The following OCA2 variants were observed in gnomAD, a reference collection of about 807,000 sequenced individuals.
OCA2 encodes the protein P protein.
Under a neutral mutation model 100.2 loss-of-function variants are expected in OCA2, and 77 were observed. That is an observed-to-expected ratio of 0.77 (90% CI 0.64 to 0.93). The LOEUF (loss-of-function observed/expected upper bound fraction) is 0.93, where lower values mean the gene tolerates loss of function less well. Ranked by LOEUF, OCA2 falls within the 40% of genes least tolerant of loss-of-function variation. OCA2 has a pLI of 0.00. For synonymous variants in OCA2, 432 were observed against 439.2 expected (o/e 0.98, Z 0.21); for missense variants, 1,062 against 1,089.1 (o/e 0.98, Z 0.35).
At chr15:27,786,689 A>G (rs1365283042) in intron 23 of OCA2, among the ~76,000 whole-genome samples, 1 of 152,042 alleles carries the variant, frequency 6.6e-6, no homozygotes, top group Non-Finnish European at 1.5e-5. Context: ...TTTCTACAGA[A>G]TTTTTCATGG....
At chr15:27,861,475 G>A (rs764380190) in intron 21 of OCA2, among the ~76,000 whole-genome samples, 16 of 152,110 alleles carry the variant, frequency 1.1e-4, no homozygotes, top group Non-Finnish European at 1.8e-4. Context: ...TCTAGAGAGT[G>A]GAGGTCAGAG....
At chr15:27,776,974 T>TGGGGGGGGGGGGGGGGGGGG (rs368182175) in intron 23 of OCA2, among the ~76,000 whole-genome samples, 3 of 43,164 alleles carry the variant, frequency 7.0e-5, no homozygotes, top group Non-Finnish European at 1.4e-4. Context: ...GAGCGTGAGG[T>TGGGGGGGGGGGGGGGGGGGG]GGGGGGGGGT....
At chr15:27,902,737 T>C (rs1481556155) in intron 19 of OCA2, among the ~76,000 whole-genome samples, 1 of 152,174 alleles carries the variant, frequency 6.6e-6, no homozygotes, top group East Asian at 1.9e-4. Context: ...GAACTCTTCC[T>C]CTGCAGGCTG....
chr15:27,810,676 A>G (rs1049567240), intron 23 of OCA2, among the ~76,000 whole-genome samples: 2 of 152,106 alleles, frequency 1.3e-5, no homozygotes, highest in African/African-American at 4.8e-5. Flanking sequence ...AATCTGCAAG[A>G]AAAAAACAAA....
chr15:27,766,571 G>A (rs1194070135), intron 23 of OCA2, among the ~76,000 whole-genome samples: 1 of 152,198 alleles, frequency 6.6e-6, no homozygotes, highest in African/African-American at 2.4e-5. Context: ...CTGAAGCTCA[G>A]TGAATGTTAA....
chr15:27,901,288 G>A (rs962394750), intron 19 of OCA2, among the ~76,000 whole-genome samples: 1 of 151,092 alleles, frequency 6.6e-6, no homozygotes, highest in African/African-American at 2.5e-5. Flanking sequence ...TCCTGCCCCT[G>A]GTCTTCTCCC....
chr15:27,740,596 A>G, the OCA2 span, among the ~76,000 whole-genome samples: 1 of 152,230 alleles, frequency 6.6e-6, no homozygotes, highest in African/African-American at 2.4e-5. Flanking sequence ...TGTGCTGGAA[A>G]TGCAGAGTTG....
chr15:27,966,732 A>T lies in OCA2; in HGVS notation c.1594T>A (p.Trp532Arg). The T allele has an allele frequency of 6.2e-7, 1 of 1,614,006 alleles. No individual in the cohort carries two copies. The highest frequency in any genetic ancestry group is 2.2e-5 in the East Asian group (1 of 44,876). ...TCCTTGTTATAAAGCTTTCTGTTCC[A>T]GTAAAGGAGTCTGAGGAGCGGAAAG... ...VCFPLLRLLY[W>R]NRKLYNKEPS... Residue 532 changes from tryptophan to arginine, a missense_variant, in exon 15 of 24, where the codon TGG (tryptophan) becomes AGG (arginine). Coordinates refer to ENST00000354638, the MANE Select transcript of OCA2 (RefSeq NM_000275.3).
rs35880080 is a variant in OCA2, at chr15:28,040,178, AC to A, written c.228-8016del. Among the ~76,000 whole-genome samples the A allele has an allele frequency of 2.0e-5, 3 of 152,296 alleles. No homozygotes were observed. The South Asian group carries it at 6.2e-4, about 32-fold the overall frequency. ...AGGAGACAGGACTCAGAAGAAACCA[AC>A]CATACCAGCACCTTGACCTTGGACT... On this transcript the variant is annotated intron_variant, in intron 2 of 23. Coordinates refer to ENST00000354638, the MANE Select transcript of OCA2 (RefSeq NM_000275.3).
chr15:27,939,034 C>T (rs944244031), intron 18 of OCA2, among the ~76,000 whole-genome samples: 3 of 152,184 alleles, frequency 2.0e-5, no homozygotes, highest in African/African-American at 7.2e-5. Context: ...GGGGAACCAA[C>T]CAGAGCTTAA....
At chr15:27,897,621 G>A (rs1421242253) in intron 19 of OCA2, among the ~76,000 whole-genome samples, 1 of 152,218 alleles carries the variant, frequency 6.6e-6, no homozygotes. Context: ...TTGCTGCAGG[G>A]GCGGGGCCTT....
chr15:27,897,918 T>G (rs1171806758), intron 19 of OCA2, among the ~76,000 whole-genome samples: 2 of 152,212 alleles, frequency 1.3e-5, no homozygotes, highest in Non-Finnish European at 2.9e-5. Context: ...ATGACCCGGA[T>G]GTGGGACATG....
At chr15:28,041,321 TAA>T (rs3071601) in intron 2 of OCA2, among the ~76,000 whole-genome samples, 18,202 of 144,950 alleles carry the variant, frequency 0.13, 1,232 homozygotes, top group Middle Eastern at 0.26. Context: ...CTTTCATGAT[TAA>T]AAAAAAAAAA....
At chr15:27,879,703 T>G (rs973203493) in intron 19 of OCA2, among the ~76,000 whole-genome samples, 1 of 152,128 alleles carries the variant, frequency 6.6e-6, no homozygotes, top group Non-Finnish European at 1.5e-5. Flanking sequence ...TGGTTGTTGG[T>G]TTTTTTATTG....
At chr15:27,863,629 C>T (rs1385423962) in intron 21 of OCA2, among the ~76,000 whole-genome samples, 1 of 152,130 alleles carries the variant, frequency 6.6e-6, no homozygotes, top group African/African-American at 2.4e-5. Flanking sequence ...TCCTTCTCCC[C>T]ATTCTGGAAC....
At chr15:28,016,287 G>C in intron 7 of OCA2, 101 bp from the exon 8 acceptor site, 8 of 927,844 alleles carry the variant, frequency 8.6e-6, no homozygotes, top group Non-Finnish European at 1.4e-5. Context: ...AAAAAGAAAA[G>C]GAGAAAGAAA....
chr15:27,843,191 C>A (rs2035406882), intron 23 of OCA2, among the ~76,000 whole-genome samples: 1 of 152,074 alleles, frequency 6.6e-6, no homozygotes, highest in Non-Finnish European at 1.5e-5. Context: ...GTATGCTTGG[C>A]CAACCAAAGA....
chr15:27,742,741 T>C, the OCA2 span, among the ~76,000 whole-genome samples: 1 of 152,234 alleles, frequency 6.6e-6, no homozygotes, highest in Non-Finnish European at 1.5e-5. Flanking sequence ...GCTCTCTTTA[T>C]ATGTATGATA....
intron 18 of OCA2, among the ~76,000 whole-genome samples, chr15:27,939,709 G>A (rs549102006): frequency 5.9e-5 from 9 of 152,168 alleles, no homozygotes; most frequent in South Asian, 2.1e-4. Context: ...CATTAGACAC[G>A]GTCAGGAATC....
Sources: gnomAD v4.1 joint callset for allele counts (sites outside exome capture counted in the v4.1 genomes callset) on GRCh38, gnomAD v4.1.1 for gene constraint, MANE v1.5 for transcripts, NCBI Gene and HGNC (gene_info 2026-07-23, HGNC 2026-07-21) for gene names.